GNL3: variants seen among roughly 807,000 people sequenced by gnomAD.
GNL3 encodes guanine nucleotide-binding protein-like 3.
GNL3 carries 77 observed loss-of-function variants against 70.6 expected under a neutral mutation model. That is an observed-to-expected ratio of 1.09 (90% CI 0.91 to 1.32). The LOEUF is 1.32. Ranked by LOEUF, GNL3 falls within the 40% of genes most tolerant of loss-of-function variation. GNL3 has a pLI of 0.00. For synonymous variants in GNL3, 252 were observed against 216.1 expected, an observed-to-expected ratio of 1.17 and a Z score of -1.46; for missense variants, 634 against 644.0, an observed-to-expected ratio of 0.98 and a Z score of 0.17.
chr3:52,686,184 T>C (rs1006297854), intron 1 of GNL3, 79 bp downstream of exon 1: 10 of 1,515,078 alleles, frequency 6.6e-6, no homozygotes, highest in Non-Finnish European at 7.3e-6. Context: ...CTTCTACGGC[T>C]ACGGCTTTGT....
chr3:52,687,589 C>A lies in GNL3; in HGVS notation c.298C>A (p.Pro100Thr). ...ACTTGAAACTAATCCTGATATTAAG[C>A]CATCAAATGTGGAACCTATGGAAAA... Reference protein sequence around the residue: ...RKLETNPDIKPSNVEPMEKEF... With the variant: ...RKLETNPDIKTSNVEPMEKEF... Residue 100 changes from proline (P) to threonine (T), a missense_variant, in exon 4 of 15, where the codon CCA becomes ACA. Transcript: ENST00000418458. The A allele has an allele frequency of 6.2e-7, 1 of 1,600,756 alleles. No individual in the cohort carries two copies. Among genetic ancestry groups the A allele is most frequent in the Non-Finnish European group, 8.6e-7 (1 of 1,167,922 alleles).
At chr3:52,687,198 A>C in intron 2 of GNL3, 48 bp from the exon 3 acceptor site, 1 of 1,505,098 alleles carries the variant, frequency 6.6e-7, no homozygotes. Context: ...ATTCTGCTTA[A>C]GTATAAAGAT....
At chr3:52,687,889 C>T in intron 4 of GNL3, 1 of 592,234 alleles carries the variant, frequency 1.7e-6, no homozygotes, top group Admixed American at 3.0e-5. Context: ...TCTGGTATTA[C>T]AGGTGTGGGC....
At chr3:52,689,023 C>G (rs771790807) in intron 5 of GNL3, 51 bp from the exon 6 acceptor site, 1 of 1,512,094 alleles carries the variant, frequency 6.6e-7, no homozygotes, top group East Asian at 2.3e-5. Flanking sequence ...GGATGTAGTT[C>G]TGATCATTTT....
intron 9 of GNL3, 63 bp from the exon 10 acceptor site, chr3:52,692,809 T>C: frequency 2.3e-6 from 3 of 1,286,544 alleles, no homozygotes; most frequent in Non-Finnish European, 3.4e-6. Flanking sequence ...CTGAGCTTCA[T>C]GTTCTGTCTC....
intron 5 of GNL3, 121 bp from the exon 6 acceptor site, chr3:52,688,953 C>A: frequency 1.3e-6 from 1 of 771,240 alleles, no homozygotes; most frequent in Non-Finnish European, 2.2e-6. Flanking sequence ...ACTCTGAGCT[C>A]ACCCTGTTGC....
rs749823335 is a variant in GNL3, at chr3:52,691,020, C to A, written c.730C>A (p.Leu244Ile). 4 of 1,613,856 alleles carry A rather than the reference C, an allele frequency of 2.5e-6. No homozygotes were observed. In the South Asian group the frequency reaches 4.4e-5, roughly 18 times the overall value. Residue 244 changes from leucine to isoleucine, a missense_variant, in exon 8 of 15, where the codon CTT becomes ATT. Physicochemically the swap from Leu to Ile is conservative, Grantham distance 5. Coordinates refer to ENST00000418458, the MANE Select transcript of GNL3 (RefSeq NM_014366.5). ...TGGGAAAGAGGGCCTTTGGAAACTT[C>A]TTGGAGGTTTTCAGGAAACTTGCAG... is the stretch of plus-strand genomic sequence containing the variant. Reference protein sequence around the residue: ...CFGKEGLWKLLGGFQETCSKA... With the variant: ...CFGKEGLWKLIGGFQETCSKA...
chr3:52,687,513 A>G lies in GNL3; in HGVS notation c.222A>G (p.Leu74=), dbSNP rs1168418833. ...TATGGCTCTGACAGCTTGAAGAACT[A>G]AAACAGCAGCAGAAACTTGACAGGC... ...AELRKQRLEE[L]KQQQKLDRQK... The change falls in exon 4 of 15, where the codon CTA becomes CTG. Residue 74 remains leucine, a synonymous_variant. Coordinates refer to ENST00000418458, the MANE Select transcript of GNL3 (RefSeq NM_014366.5). 3 of 1,612,764 alleles carry G rather than the reference A, an allele frequency of 1.9e-6. No individual in the cohort carries two copies. The highest frequency in any genetic ancestry group is 1.1e-5 in the South Asian group (1 of 91,062).
intron 6 of GNL3, chr3:52,689,421 C>A (rs1035705790): frequency 1.6e-6 from 1 of 635,726 alleles, no homozygotes. Flanking sequence ...TCAGTATTTA[C>A]CATCTTTTAA....
Position 52,694,218 on chromosome 3 carries a change from C to G in GNL3, c.1593C>G (p.Ile531Met), listed in dbSNP as rs1480433235. The G allele has an allele frequency of 6.3e-7, 1 of 1,597,756 alleles. No homozygotes were observed. Among genetic ancestry groups the G allele is most frequent in the African/African-American group, 1.3e-5 (1 of 74,514 alleles). Residue 531 changes from isoleucine (I) to methionine (M), a missense_variant, in exon 15 of 15, where the codon ATC becomes ATG. Ile to Met is a conservative substitution (Grantham distance 10). Transcript: ENST00000418458. ...GTGAACAGTCTACAAGGTCTTTTATCTTGGATAAAATCATTGAAGAGGATG... is the reference window on the plus strand; with the variant it reads ...GTGAACAGTCTACAAGGTCTTTTATGTTGGATAAAATCATTGAAGAGGATG... ...TAGEQSTRSF[I>M]LDKIIEEDDA...
intron 1 of GNL3, chr3:52,686,426 G>A (rs886258621): frequency 7.0e-6 from 4 of 575,090 alleles, no homozygotes; most frequent in Non-Finnish European, 1.2e-5. Context: ...ACTGGCCCAG[G>A]TGAGAGCTGA....
chr3:52,694,451 G>A lies in GNL3; in HGVS notation c.*176G>A. The A allele has an allele frequency of 1.7e-6, 1 of 584,166 alleles. No homozygotes were observed. The highest frequency in any genetic ancestry group is 3.0e-6 in the Non-Finnish European group (1 of 329,074). 36.2% of individuals were successfully genotyped at this position (584,166 alleles called of 1,614,324 possible). A position where few individuals can be genotyped will look rare whatever the true frequency, so the allele number is the denominator to read the frequency against. ...AAAAAGACAATTCATCTCATTGTGA[G>A]TGGAAGTAGTTATCTGGAATAAAAA... On this transcript the variant is annotated 3_prime_UTR_variant, in exon 15 of 15. Transcript: ENST00000418458.
chr3:52,688,117 G>T lies in GNL3; in HGVS notation c.333G>T (p.Gly111=). Residue 111 remains glycine (G), a synonymous_variant, in exon 5 of 15, where the codon GGG becomes GGT. Transcript: ENST00000418458. The stretch of plus-strand genomic sequence containing the variant: ...CCCCCTTTATCCTCTAGGAGTTTGG[G>T]CTTTGCAAAACTGAGAACAAAGCCA... ...SNVEPMEKEF[G]LCKTENKAKS... is the part of the protein sequence containing the mutation. 2 of 1,599,700 alleles carry T rather than the reference G, an allele frequency of 1.3e-6. No individual in the cohort carries two copies. The highest frequency in any genetic ancestry group is 1.7e-6 in the Non-Finnish European group (2 of 1,166,832).
chr3:52,692,831 A>G lies in GNL3; in HGVS notation c.870-41A>G, dbSNP rs757795347. The G allele has an allele frequency of 5.2e-6, 8 of 1,532,566 alleles. No homozygotes were observed. The South Asian group carries it at 8.9e-5, about 17-fold the overall frequency. 94.9% of individuals were successfully genotyped at this position (1,532,566 alleles called of 1,614,324 possible). A position where few individuals can be genotyped will look rare whatever the true frequency, so the allele number is the denominator to read the frequency against. ...TCATGTTCTGTCTCTTAACCTCCAA[A>G]TAGACCAATGCCCCCATCAATTCCA... On this transcript the variant is annotated intron_variant, in intron 9 of 14. Coordinates refer to ENST00000418458, the MANE Select transcript of GNL3 (RefSeq NM_014366.5).
Position 52,688,128 on chromosome 3 carries a change from CTG to C in GNL3, c.345_346del (p.Asn117GlnfsTer18). On this transcript the variant is annotated frameshift_variant, in exon 5 of 15. Coordinates refer to ENST00000418458, the MANE Select transcript of GNL3 (RefSeq NM_014366.5). LOFTEE classifies it high-confidence loss of function. ...CTCTAGGAGTTTGGGCTTTGCAAAA[CTG>C]AGAACAAAGCCAAGTCGGGCAAACA... 1.2e-6 allele frequency: 2 copies of C among 1,609,006 alleles called. No individual in the cohort carries two copies. The highest frequency in any genetic ancestry group is 1.1e-5 in the South Asian group (1 of 90,976).
rs183781382 is a variant in GNL3, at chr3:52,689,876, C to T, written c.541+670C>T. On this transcript the variant is annotated intron_variant, in intron 6 of 14. Coordinates refer to ENST00000418458, the MANE Select transcript of GNL3 (RefSeq NM_014366.5). Reference sequence around the variant, plus strand: ...CTGAGGCAGGAGAATTGCTTGAACCCGGGAGGCGGAGGTTGCAGTGAGCCG... The same window carrying T: ...CTGAGGCAGGAGAATTGCTTGAACCTGGGAGGCGGAGGTTGCAGTGAGCCG... Among the ~76,000 whole-genome samples the T allele has an allele frequency of 5.7e-4, 87 of 152,208 alleles. No individual in the cohort carries two copies. The East Asian group carries it at 8.3e-3, about 15-fold the overall frequency.
At chr3:52,686,687 CAAGAA>C in intron 1 of GNL3, 77 bp from the exon 2 acceptor site, 2 of 1,048,306 alleles carry the variant, frequency 1.9e-6, no homozygotes, top group Non-Finnish European at 2.9e-6. Context: ...GCCAATAACA[CAAGAA>C]AAGGATATAA....
In GNL3 at chr3:52,693,325, A is replaced by T; in HGVS notation, c.1183A>T (p.Thr395Ser). The T allele has an allele frequency of 6.2e-7, 1 of 1,614,074 alleles. No individual in the cohort carries two copies. Among genetic ancestry groups the T allele is most frequent in the African/African-American group, 1.3e-5 (1 of 75,042 alleles). The change falls in exon 11 of 15, where the codon ACA becomes TCA. Residue 395 changes from threonine to serine, a missense_variant. Transcript: ENST00000418458. The part of the protein sequence containing the change: ...GAAKLLWSEW[T>S]GASLAYYCHP... ...TGCCAAACTGCTGTGGTCTGAGTGG[A>T]CAGGGTAAGCTTTCTTTTCTGTTGG...
rs767939150 is a variant in GNL3 at position 52,689,220 on chromosome 3, G to A, written c.541+14G>A. The A allele has an allele frequency of 6.2e-7, 1 of 1,609,920 alleles. No individual in the cohort carries two copies. Among genetic ancestry groups the A allele is most frequent in the Non-Finnish European group, 8.5e-7 (1 of 1,176,480 alleles). On this transcript the variant is annotated intron_variant, in intron 6 of 14. Coordinates refer to ENST00000418458, the MANE Select transcript of GNL3 (RefSeq NM_014366.5). ...TAAATAAATCAGGTGAGTAAAGAGG[G>A]TACCCTTTGTCTTCTGTGTACATGG...
Sources: allele counts gnomAD v4.1 joint callset (sites outside exome capture counted in the v4.1 genomes callset), GRCh38; gene constraint gnomAD v4.1.1; transcripts MANE v1.5; gene names NCBI Gene and HGNC (gene_info 2026-07-23, HGNC 2026-07-21).